FAM120B: variants seen among roughly 807,000 people sequenced by gnomAD.
FAM120B encodes the protein constitutive coactivator of peroxisome proliferator-activated receptor gamma.
FAM120B carries 83 observed loss-of-function variants against 96.3 expected under a neutral mutation model. The ratio of observed to expected loss-of-function variants is 0.86; its 90% CI spans 0.72 to 1.03. FAM120B has a LOEUF of 1.03. Among genes scored for constraint, FAM120B ranks in the 50% least tolerant of loss-of-function variants. The probability of loss-of-function intolerance (pLI) is 0.00; values close to 1 mark genes in which losing one functional copy is unlikely to be tolerated. For synonymous variants in FAM120B, 407 were observed against 402.7 expected, an observed-to-expected ratio of 1.01 and a Z score of -0.13; for missense variants, 1,027 against 1,121.2, an observed-to-expected ratio of 0.92 and a Z score of 1.20.
chr6:170,358,901 C>T (rs964423164), intron 6 of FAM120B, among the ~76,000 whole-genome samples: 14 of 152,196 alleles, frequency 9.2e-5, no homozygotes, highest in Non-Finnish European at 1.3e-4. Flanking sequence ...TGGCTGCACA[C>T]TTGTGGACCT....
intron 1 of FAM120B, among the ~76,000 whole-genome samples, chr6:170,309,018 C>A (rs866422053): frequency 6.6e-6 from 1 of 152,150 alleles, no homozygotes; most frequent in African/African-American, 2.4e-5. Context: ...GTTGCCACTC[C>A]CTTTAAGAAA....
At position 170,295,958 on chromosome 6, in the gene FAM120B, C is replaced by A. The variant is rs1324813886; in HGVS notation, c.48+505C>A. The stretch of plus-strand genomic sequence containing the variant: ...CAGCTGGCGGCCCCGGCGCAGATGA[C>A]GGCTCGGCAGCGGGCCCCCGCCCCC... On this transcript the variant is annotated intron_variant, in intron 1 of 10. Coordinates refer to the FAM120B transcript ENST00000537664. The surrounding 1 kb of genome is among the most constrained non-coding windows in gnomAD (Gnocchi z 7.8). Among the ~76,000 whole-genome samples the A allele has an allele frequency of 6.6e-6, 1 of 151,816 alleles. No individual in the cohort carries two copies. The highest frequency in any genetic ancestry group is 2.0e-4 in the East Asian group (1 of 5,096).
At chr6:170,299,161 C>A (rs1305180811) in intron 1 of FAM120B, among the ~76,000 whole-genome samples, 1 of 152,206 alleles carries the variant, frequency 6.6e-6, no homozygotes, top group African/African-American at 2.4e-5. Flanking sequence ...CTATTAGCAC[C>A]TGGCCTTTTC....
At position 170,363,167 on chromosome 6, in the gene FAM120B, A is replaced by G. The variant is rs1788569791; in HGVS notation, c.2283+4849A>G. Among the ~76,000 whole-genome samples the G allele has an allele frequency of 6.6e-6, 1 of 152,116 alleles. No individual in the cohort carries two copies. Among genetic ancestry groups the G allele is most frequent in the Non-Finnish European group, 1.5e-5 (1 of 68,016 alleles). On this transcript the variant is annotated intron_variant, in intron 6 of 10. Coordinates refer to ENST00000476287, the MANE Select transcript of FAM120B (RefSeq NM_032448.3). The surrounding 1 kb of genome is among the most constrained non-coding windows in gnomAD (Gnocchi z 4.5). Reference sequence around the variant, plus strand: ...TCTCCAGGTGGAGGCTCTGACTGTTAGGGAATTCTGGCTCCGTCTCTTACA... The same window carrying G: ...TCTCCAGGTGGAGGCTCTGACTGTTGGGGAATTCTGGCTCCGTCTCTTACA...
rs540736542 is a variant in FAM120B, at chr6:170,370,080, C to T, written c.2283+11762C>T. On this transcript the variant is annotated intron_variant, in intron 6 of 10. Coordinates refer to ENST00000476287, the MANE Select transcript of FAM120B (RefSeq NM_032448.3). The surrounding 1 kb of genome is among the most constrained non-coding windows in gnomAD (Gnocchi z 4.3). ...ATAGCAATCTAATTTCTCTTTTAAACCCATTCTGTGAGTCGGCAGAAATTT... is the reference window on the plus strand; with the variant it reads ...ATAGCAATCTAATTTCTCTTTTAAATCCATTCTGTGAGTCGGCAGAAATTT... Among the ~76,000 whole-genome samples the T allele has an allele frequency of 6.6e-6, 1 of 152,288 alleles. No homozygotes were observed. Among genetic ancestry groups the T allele is most frequent in the Admixed American group, 6.5e-5 (1 of 15,300 alleles).
intron 9 of FAM120B, among the ~76,000 whole-genome samples, chr6:170,398,977 G>C (rs918327708): frequency 3.3e-5 from 5 of 149,914 alleles, no homozygotes; most frequent in East Asian, 2.0e-4. Context: ...AGGAGTGAGT[G>C]GGAAAGGTAG....
Position 170,318,079 on chromosome 6 carries a change from G to C in FAM120B, c.689G>C (p.Gly230Ala). Residue 230 changes from glycine to alanine, a missense_variant, in exon 2 of 11, where the codon GGC (glycine) becomes GCC (alanine). By Grantham distance (60) the Gly-to-Ala change is moderately conservative. Coordinates refer to ENST00000476287, the MANE Select transcript of FAM120B (RefSeq NM_032448.3). ...ADLPLLACLL[G>A]NDIIPEGMFE... ...CTTCCTCTTCTGGCCTGCCTCCTTG[G>C]CAACGACATAATCCCAGAGGGCATG... The C allele has an allele frequency of 6.2e-7, 1 of 1,614,144 alleles. No individual in the cohort carries two copies. Among genetic ancestry groups the C allele is most frequent in the Non-Finnish European group, 8.5e-7 (1 of 1,180,038 alleles).
chr6:170,354,645 C>T (rs147251190), intron 5 of FAM120B, among the ~76,000 whole-genome samples: 3 of 152,196 alleles, frequency 2.0e-5, no homozygotes, highest in African/African-American at 7.2e-5. Context: ...GACATATAGC[C>T]GGGCGCGGTG....
chr6:170,330,244 AG>A (rs1409216178), intron 3 of FAM120B, among the ~76,000 whole-genome samples: 3 of 152,190 alleles, frequency 2.0e-5, no homozygotes, highest in African/African-American at 7.2e-5. Context: ...TCGGTTCCAC[AG>A]GGTATGGTTC....
chr6:170,398,811 T>G (rs1015620040), intron 9 of FAM120B, among the ~76,000 whole-genome samples: 536 of 148,062 alleles, frequency 3.6e-3, no homozygotes, highest in African/African-American at 0.013. Context: ...GTCATAACTC[T>G]TAGGAGTGAG....
upstream of FAM120B, chr6:170,290,905 T>A: frequency 2.9e-6 from 2 of 693,936 alleles, no homozygotes; most frequent in Non-Finnish European, 5.3e-6. The surrounding 1 kb of genome is among the most constrained non-coding windows in gnomAD (Gnocchi z 4.7). Context: ...GGGTCGGGTC[T>A]CCGCGGGTGC....
Position 170,344,178 on chromosome 6 carries a change from G to A in FAM120B, c.2018-3973G>A, listed in dbSNP as rs1305982675. Among the ~76,000 whole-genome samples the A allele has an allele frequency of 4.5e-5, 5 of 110,400 alleles. No individual in the cohort carries two copies. The South Asian group carries it at 2.0e-3, about 43-fold the overall frequency. 72.4% of individuals were successfully genotyped at this position (110,400 alleles called of 152,430 possible). ...CCACCTTGGAAGAACGGATGAAATC[G>A]TTCAGTCCATTCACCTGCACCGTTG... On this transcript the variant is annotated intron_variant, in intron 4 of 10. Transcript: ENST00000476287.
chr6:170,290,974 C>A, upstream of FAM120B: 1 of 701,550 alleles, frequency 1.4e-6, no homozygotes, highest in Middle Eastern at 2.3e-4. This position sits in a 1 kb window ranked among gnomAD's most constrained non-coding sequence, Gnocchi z 4.7. Flanking sequence ...CGGCCGCCCG[C>A]ATGGCTAATG....
chr6:170,305,684 AACTT>A (rs3031508), upstream of FAM120B, among the ~76,000 whole-genome samples: 13,470 of 152,130 alleles, frequency 0.089, 801 homozygotes, highest in African/African-American at 0.16. Context: ...ATTTGTCAAT[AACTT>A]ACTTTTCAGA....
intron 4 of FAM120B, among the ~76,000 whole-genome samples, chr6:170,347,437 TTCAG>T (rs1263276616): frequency 6.6e-6 from 1 of 152,226 alleles, no homozygotes; most frequent in African/African-American, 2.4e-5. Context: ...TTGTCGTGGT[TTCAG>T]TCAATGAGTA....
rs546730656 is a variant in FAM120B, at chr6:170,370,319, G to A, written c.2283+12001G>A. Among the ~76,000 whole-genome samples, 73 of 152,300 alleles carry A rather than the reference G, an allele frequency of 4.8e-4. 2 individuals are homozygous for A. The South Asian group carries it at 9.3e-3, about 19-fold the overall frequency. ...TTTTCTGAGACGCAGCTACGTCCCC[G>A]AGCTCTTTGTGGAAGACAGGGAAAG... On this transcript the variant is annotated intron_variant, in intron 6 of 10. Transcript: ENST00000476287. The surrounding 1 kb of genome is among the most constrained non-coding windows in gnomAD (Gnocchi z 4.3).
chr6:170,361,924 G>C (rs1002141199), intron 6 of FAM120B, among the ~76,000 whole-genome samples: 1 of 152,124 alleles, frequency 6.6e-6, no homozygotes, highest in Non-Finnish European at 1.5e-5. Context: ...CTTCTGAGTA[G>C]TTGGGATTCC....
At chr6:170,368,833 C>G (rs1038219656) in intron 6 of FAM120B, among the ~76,000 whole-genome samples, 3 of 150,210 alleles carry the variant, frequency 2.0e-5, no homozygotes, top group Non-Finnish European at 4.4e-5. Flanking sequence ...GGGGGGGGCT[C>G]CCTCCTGGCT....
upstream of FAM120B, among the ~76,000 whole-genome samples, chr6:170,305,806 C>T (rs2114985630): frequency 6.6e-6 from 1 of 152,320 alleles, no homozygotes; most frequent in East Asian, 1.9e-4. Flanking sequence ...TGGACTTGCG[C>T]ATCACCCGGA....
Sources: allele counts gnomAD v4.1 joint callset (sites outside exome capture counted in the v4.1 genomes callset), GRCh38; gene constraint gnomAD v4.1.1; non-coding constraint Gnocchi (gnomAD v3.1); transcripts MANE v1.5; gene names NCBI Gene and HGNC (gene_info 2026-07-23, HGNC 2026-07-21).